The following CYP20A1 variants were observed in gnomAD, a reference collection of about 807,000 sequenced individuals.
The protein encoded by CYP20A1 is cytochrome P450 20A1.
A neutral mutation model predicts 61.4 loss-of-function variants in CYP20A1; 61 were observed. That is an observed-to-expected ratio of 0.99 (90% confidence interval 0.81 to 1.23). CYP20A1 has a LOEUF of 1.23. Ranked by LOEUF, CYP20A1 falls within the 50% of genes most tolerant of loss-of-function variation. CYP20A1 has a pLI of 0.00. For missense variants in CYP20A1, 530 were observed against 542.4 expected (o/e 0.98, Z 0.23); for synonymous variants, 193 against 188.2 (o/e 1.03, Z -0.21).
At chr2:203,256,556 G>A (rs1303251275) in intron 4 of CYP20A1, among the ~76,000 whole-genome samples, 2 of 151,800 alleles carry the variant, frequency 1.3e-5, no homozygotes, top group East Asian at 1.9e-4. Context: ...GCAGGGTTTC[G>A]CCATGTTAGT....
intron 8 of CYP20A1, among the ~76,000 whole-genome samples, chr2:203,284,878 T>A (rs1420275086): frequency 6.6e-6 from 1 of 151,548 alleles, no homozygotes; most frequent in African/African-American, 2.4e-5. Flanking sequence ...CCCAAGTAGC[T>A]GGGACTATAG....
intron 6 of CYP20A1, among the ~76,000 whole-genome samples, chr2:203,277,133 G>C (rs1011445000): frequency 1.2e-4 from 18 of 152,138 alleles, no homozygotes; most frequent in African/African-American, 4.3e-4. Context: ...CGGATCACAA[G>C]GTCAGGAGAT....
chr2:203,243,057 T>C (rs1286921065), intron 1 of CYP20A1, among the ~76,000 whole-genome samples: 2 of 152,224 alleles, frequency 1.3e-5, no homozygotes, highest in East Asian at 3.8e-4. Flanking sequence ...GGAAATCCCC[T>C]GGTGCATTCA....
At chr2:203,295,889 CA>C (rs1365239677) in intron 11 of CYP20A1, among the ~76,000 whole-genome samples, 1 of 151,774 alleles carries the variant, frequency 6.6e-6, no homozygotes, top group African/African-American at 2.4e-5. Flanking sequence ...GTGGTGGTTG[CA>C]ATGAGCCGAG....
intron 4 of CYP20A1, among the ~76,000 whole-genome samples, chr2:203,256,274 C>T (rs1023661212): frequency 1.3e-5 from 2 of 152,002 alleles, no homozygotes; most frequent in African/African-American, 2.4e-5. Flanking sequence ...CGGCCAGTTT[C>T]CCCTTTTAGA....
chr2:203,282,355 T>TG (rs1409145786), intron 8 of CYP20A1, among the ~76,000 whole-genome samples: 15 of 152,004 alleles, frequency 9.9e-5, no homozygotes, highest in African/African-American at 3.6e-4. Context: ...AATGCCTATT[T>TG]GTTTGGTCCA....
chr2:203,285,721 T>G lies in CYP20A1; in HGVS notation c.960T>G (p.Ile320Met). ...ATGGTCCTGTTACTCCAGAGAAAAT[T>G]GAGCAGCTCAGGTAAGAACACAATA... is the stretch of plus-strand genomic sequence containing the variant. ...FGNGPVTPEK[I>M]EQLRYCQHVL... The change falls in exon 9 of 13, where the codon ATT (isoleucine) becomes ATG (methionine). Residue 320 changes from isoleucine (I) to methionine (M), a missense_variant. Ile to Met is a conservative substitution (Grantham distance 10, BLOSUM62 1). Coordinates refer to ENST00000356079, the MANE Select transcript of CYP20A1 (RefSeq NM_177538.3). 1.3e-6 allele frequency: 2 copies of G among 1,593,086 alleles called. No homozygotes were observed. The highest frequency in any genetic ancestry group is 1.7e-6 in the Non-Finnish European group (2 of 1,175,400).
chr2:203,271,068 ATATATATATATATATTT>A (rs1559097566), intron 5 of CYP20A1, among the ~76,000 whole-genome samples: 10 of 80,452 alleles, frequency 1.2e-4, no homozygotes, highest in Non-Finnish European at 2.0e-4. Context: ...ATATATATAT[ATATATATATATATATTT>A]TTTTTTTTTT....
chr2:203,286,291 G>C (rs919277829), intron 9 of CYP20A1, among the ~76,000 whole-genome samples: 1 of 151,938 alleles, frequency 6.6e-6, no homozygotes, highest in African/African-American at 2.4e-5. Context: ...CAAAAGAAAA[G>C]AAAACAATAG....
At chr2:203,258,221 T>C (rs1030979681) in intron 4 of CYP20A1, among the ~76,000 whole-genome samples, 8 of 152,170 alleles carry the variant, frequency 5.3e-5, no homozygotes, top group Admixed American at 2.6e-4. Flanking sequence ...GTATCCACTT[T>C]TAAAAATTAC....
In CYP20A1 at chr2:203,301,725, A is replaced by G. The variant is rs1429668743; in HGVS notation, c.*4817A>G. ...AAGTACAGTTCCATTTTTTATATAA[A>G]TAGATTCTACCTAACTTATAACCCC... On this transcript the variant is annotated 3_prime_UTR_variant, in exon 13 of 13. Coordinates refer to ENST00000356079, the MANE Select transcript of CYP20A1 (RefSeq NM_177538.3). 1.3e-5 allele frequency among the ~76,000 whole-genome samples: 2 copies of G among 152,124 alleles called. No homozygotes were observed. The highest frequency in any genetic ancestry group is 2.9e-5 in the Non-Finnish European group (2 of 68,024).
Position 203,292,275 on chromosome 2 carries a change from A to T in CYP20A1, c.1097A>T (p.Tyr366Phe). 6.2e-7 allele frequency: 1 copy of T among 1,611,222 alleles called. No individual in the cohort carries two copies. The change falls in exon 11 of 13, where the codon TAT (tyrosine) becomes TTT (phenylalanine). Residue 366 changes from tyrosine (Y) to phenylalanine (F), a missense_variant. Transcript: ENST00000356079. Reference sequence around the variant, plus strand: ...TTTTTTTCACAGACCCTCGTCCTTTATGCCCTTGGTGTGGTACTTCAGGAT... The same window carrying T: ...TTTTTTTCACAGACCCTCGTCCTTTTTGCCCTTGGTGTGGTACTTCAGGAT... ...FIIPRETLVLYALGVVLQDPN... is the reference protein window; with the variant it reads ...FIIPRETLVLFALGVVLQDPN...
chr2:203,273,678 T>G (rs908826683), intron 6 of CYP20A1, among the ~76,000 whole-genome samples: 1 of 152,032 alleles, frequency 6.6e-6, no homozygotes, highest in African/African-American at 2.4e-5. Flanking sequence ...GTGCGGTAGC[T>G]CACACCTGCA....
Position 203,305,447 on chromosome 2 carries a change from A to C in CYP20A1, c.*8539A>C, listed in dbSNP as rs1264385012. The stretch of plus-strand genomic sequence containing the variant: ...GATCTCTTGTGCTCATAATCTACCT[A>C]CCTCGGCCTCCCAAAGTGCTCGGAT... On this transcript the variant is annotated 3_prime_UTR_variant, in exon 13 of 13. Transcript: ENST00000356079. 2.6e-5 allele frequency: 4 copies of C among 151,240 alleles called. No homozygotes were observed. Among genetic ancestry groups the C allele is most frequent in the Non-Finnish European group, 5.9e-5 (4 of 67,856 alleles). 9.4% of individuals were successfully genotyped at this position (151,240 alleles called of 1,614,324 possible).
Position 203,292,205 on chromosome 2 carries a change from C to G in CYP20A1, c.1084-57C>G. 2 of 1,125,742 alleles carry G rather than the reference C, an allele frequency of 1.8e-6. 1 individual carries two copies. Among genetic ancestry groups the G allele is most frequent in the East Asian group, 4.7e-5 (2 of 42,220 alleles). 69.7% of individuals were successfully genotyped at this position (1,125,742 alleles called of 1,614,324 possible). A position where few individuals can be genotyped will look rare whatever the true frequency, so the allele number is the denominator to read the frequency against. Reference sequence around the variant, plus strand: ...AAGAAGTTTGGAATAAGTTGACTTTCTAGGAGTCATTTTATCTCTGTTAGT... The same window carrying G: ...AAGAAGTTTGGAATAAGTTGACTTTGTAGGAGTCATTTTATCTCTGTTAGT... On this transcript the variant is annotated intron_variant, in intron 10 of 12. Transcript: ENST00000356079.
intron 1 of CYP20A1, among the ~76,000 whole-genome samples, chr2:203,243,391 G>A (rs1198596812): frequency 2.6e-4 from 5 of 19,376 alleles, no homozygotes; most frequent in East Asian, 1.7e-3. Flanking sequence ...ATCCACTCTC[G>A]CCTCTTTCTT....
chr2:203,289,719 C>T (rs767823989), intron 9 of CYP20A1, 46 bp from the exon 10 acceptor site: 4 of 1,055,854 alleles, frequency 3.8e-6, no homozygotes, highest in Non-Finnish European at 5.6e-6. Flanking sequence ...ACATTTCTAA[C>T]TGCCTCCCAA....
At chr2:203,288,317 C>T (rs2068385930) in intron 9 of CYP20A1, among the ~76,000 whole-genome samples, 1 of 151,986 alleles carries the variant, frequency 6.6e-6, no homozygotes, top group Non-Finnish European at 1.5e-5. Context: ...CCACCCGCCT[C>T]TGGCTCCCAA....
At chr2:203,271,082 A>ATATATATTTT (rs1178482961) in intron 5 of CYP20A1, among the ~76,000 whole-genome samples, 3 of 31,642 alleles carry the variant, frequency 9.5e-5, no homozygotes, top group African/African-American at 2.1e-4. Flanking sequence ...ATATATATAT[A>ATATATATTTT]TTTTTTTTTT....
Sources: allele counts gnomAD v4.1 joint callset (sites outside exome capture counted in the v4.1 genomes callset), GRCh38; gene constraint gnomAD v4.1.1; transcripts MANE v1.5; gene names NCBI Gene and HGNC (gene_info 2026-07-23, HGNC 2026-07-21).